The following JAKMIP2 variants were observed in gnomAD, a reference collection of about 807,000 sequenced individuals.
JAKMIP2 encodes the protein janus kinase and microtubule-interacting protein 2.
JAKMIP2 carries 25 observed loss-of-function variants against 115.0 expected under a neutral mutation model. The ratio of observed to expected loss-of-function variants is 0.22; its 90% confidence interval spans 0.16 to 0.30. The LOEUF is 0.30. Among genes scored for constraint, JAKMIP2 ranks in the 10% least tolerant of loss-of-function variants. JAKMIP2 has a pLI of 1.00. For missense variants in JAKMIP2, 642 were observed against 957.6 expected (o/e 0.67, Z 4.35); for synonymous variants, 334 against 343.6 (o/e 0.97, Z 0.31).
At chr5:147,616,407 T>C (rs1756586081) in intron 19 of JAKMIP2, among the ~76,000 whole-genome samples, 1 of 152,192 alleles carries the variant, frequency 6.6e-6, no homozygotes, top group South Asian at 2.1e-4. Flanking sequence ...CTGGATAACT[T>C]AAACAAAACC....
At chr5:147,623,340 G>A (rs1756941466) in intron 17 of JAKMIP2, among the ~76,000 whole-genome samples, 2 of 151,388 alleles carry the variant, frequency 1.3e-5, no homozygotes, top group Non-Finnish European at 2.9e-5. Context: ...TAAATAAAGT[G>A]GAAAAATTAT....
chr5:147,598,984 A>G (rs1034398082), intron 21 of JAKMIP2, among the ~76,000 whole-genome samples: 1 of 152,144 alleles, frequency 6.6e-6, no homozygotes, highest in African/African-American at 2.4e-5. Context: ...TTATTCCCTA[A>G]TATTATTTAA....
At chr5:147,647,584 C>T (rs1317366069) in intron 5 of JAKMIP2, among the ~76,000 whole-genome samples, 2 of 152,078 alleles carry the variant, frequency 1.3e-5, no homozygotes, top group East Asian at 1.9e-4. Flanking sequence ...AGTTACCCTA[C>T]CTTCTTAATA....
chr5:147,649,267 A>C (rs1174267369), intron 4 of JAKMIP2, among the ~76,000 whole-genome samples: 1 of 152,212 alleles, frequency 6.6e-6, no homozygotes, highest in African/African-American at 2.4e-5. Context: ...AGAACAGGTA[A>C]AATTCAGATA....
At chr5:147,676,863 G>C (rs1457632950) in intron 1 of JAKMIP2, among the ~76,000 whole-genome samples, 1 of 152,172 alleles carries the variant, frequency 6.6e-6, no homozygotes, top group Non-Finnish European at 1.5e-5. Context: ...TTATTGAGAA[G>C]GAAATATAGT....
chr5:147,700,898 C>A (rs1752299553), intron 1 of JAKMIP2, among the ~76,000 whole-genome samples: 1 of 152,102 alleles, frequency 6.6e-6, no homozygotes, highest in South Asian at 2.1e-4. Context: ...TCATGGGCTA[C>A]TTCATTCTAG....
intron 1 of JAKMIP2, among the ~76,000 whole-genome samples, chr5:147,681,215 T>G (rs941603978): frequency 1.3e-5 from 2 of 152,186 alleles, no homozygotes; most frequent in Admixed American, 6.5e-5. Flanking sequence ...TCAGCACACA[T>G]ACAAGAGACA....
intron 3 of JAKMIP2, among the ~76,000 whole-genome samples, chr5:147,654,811 C>T (rs1758595477): frequency 6.6e-6 from 1 of 152,086 alleles, no homozygotes; most frequent in African/African-American, 2.4e-5. Context: ...GGGAATTCTT[C>T]CAGTTTTTTC....
chr5:147,744,985 G>A (rs1291030645), intron 1 of JAKMIP2, among the ~76,000 whole-genome samples: 2 of 151,008 alleles, frequency 1.3e-5, no homozygotes, highest in South Asian at 2.1e-4. Context: ...TTGAACCGGG[G>A]AGGCAGATGT....
chr5:147,665,503 G>A (rs1350896181), intron 2 of JAKMIP2, among the ~76,000 whole-genome samples: 1 of 152,208 alleles, frequency 6.6e-6, no homozygotes, highest in African/African-American at 2.4e-5. Context: ...ATCTGGAACA[G>A]TATCATGACT....
chr5:147,622,130 G>A (rs530213513), intron 17 of JAKMIP2, among the ~76,000 whole-genome samples: 8 of 152,280 alleles, frequency 5.3e-5, no homozygotes, highest in African/African-American at 1.9e-4. Context: ...GCCTCCCAAA[G>A]TTCTGGGATT....
intron 1 of JAKMIP2, among the ~76,000 whole-genome samples, chr5:147,775,528 G>A (rs938484194): frequency 3.3e-5 from 5 of 152,090 alleles, no homozygotes; most frequent in Admixed American, 6.5e-5. Flanking sequence ...AAAGATCCAC[G>A]GAAGTGTTCA....
In JAKMIP2 at chr5:147,678,963, A is replaced by T. The variant is rs545939264; in HGVS notation, c.-148-7009T>A. On this transcript the variant is annotated intron_variant, in intron 1 of 21. Coordinates refer to ENST00000616793, the MANE Select transcript of JAKMIP2 (RefSeq NM_001270941.2). ...TGTTTTGATGTCCAACTACATTTTT[A>T]TTTATTTATTTATTTATTTATTTAT... Among the ~76,000 whole-genome samples the T allele has an allele frequency of 2.5e-3, 156 of 61,788 alleles. 2 individuals are homozygous for T. In the South Asian group the frequency reaches 0.068, roughly 27 times the overall value. The allele number at this position is 61,788 out of a possible 152,430, so 40.5% of individuals were successfully genotyped here.
intron 5 of JAKMIP2, among the ~76,000 whole-genome samples, chr5:147,645,299 G>T (rs918836082): frequency 6.6e-6 from 1 of 151,966 alleles, no homozygotes; most frequent in Admixed American, 6.6e-5. Flanking sequence ...GCTTTCTTTC[G>T]CTTCCCCGAC....
At chr5:147,699,345 T>C (rs1428247212) in intron 1 of JAKMIP2, among the ~76,000 whole-genome samples, 3 of 152,158 alleles carry the variant, frequency 2.0e-5, no homozygotes, top group Non-Finnish European at 2.9e-5. Context: ...AATCAGGCTC[T>C]AGCCTGGGTG....
chr5:147,659,083 G>A (rs893605811), intron 3 of JAKMIP2, among the ~76,000 whole-genome samples: 3 of 143,224 alleles, frequency 2.1e-5, no homozygotes, highest in Non-Finnish European at 3.0e-5. Flanking sequence ...TCCAGGCATC[G>A]CTGGAGTATG....
At chr5:147,628,582 C>T (rs940814766) in intron 16 of JAKMIP2, among the ~76,000 whole-genome samples, 169 bp downstream of exon 16, 8 of 152,036 alleles carry the variant, frequency 5.3e-5, no homozygotes, top group Non-Finnish European at 7.4e-5. Flanking sequence ...ATAGACTTTT[C>T]GTTTGGGTGT....
At chr5:147,704,291 T>A (rs1249330897) in intron 1 of JAKMIP2, among the ~76,000 whole-genome samples, 1 of 152,170 alleles carries the variant, frequency 6.6e-6, no homozygotes, top group Non-Finnish European at 1.5e-5. Flanking sequence ...TGTAGATTTG[T>A]TTACAGCAGT....
intron 2 of JAKMIP2, 33 bp downstream of exon 2, chr5:147,671,645 T>C: frequency 7.3e-7 from 1 of 1,368,574 alleles, no homozygotes; most frequent in South Asian, 2.1e-5. Flanking sequence ...AGAGCTGCTC[T>C]TAATGCCACG....
Sources: gnomAD v4.1 joint callset for allele counts (sites outside exome capture counted in the v4.1 genomes callset) on GRCh38, gnomAD v4.1.1 for gene constraint, MANE v1.5 for transcripts, NCBI Gene and HGNC (gene_info 2026-07-23, HGNC 2026-07-21) for gene names.